The following AGBL1 variants were observed in gnomAD, a reference collection of about 807,000 sequenced individuals.
AGBL1 encodes the protein AGBL carboxypeptidase 1.
AGBL1 carries 130 observed loss-of-function variants against 118.9 expected under a neutral mutation model. The observed-to-expected ratio is 1.09, with a 90% CI of 0.95 to 1.26. AGBL1 has a LOEUF of 1.26. Ranked by LOEUF, AGBL1 falls within the 50% of genes most tolerant of loss-of-function variation. The probability of loss-of-function intolerance (pLI) is 0.00; values close to 1 mark genes in which losing one functional copy is unlikely to be tolerated. For synonymous variants in AGBL1, 555 were observed against 478.9 expected, an observed-to-expected ratio of 1.16 and a Z score of -2.08; for missense variants, 1,584 against 1,298.1, an observed-to-expected ratio of 1.22 and a Z score of -3.38.
rs56250725 is a variant in AGBL1 at position 86,811,507 on chromosome 15, C to A, written c.3159-95580C>A. 3.7e-3 allele frequency among the ~76,000 whole-genome samples: 562 copies of A among 152,214 alleles called. 6 individuals are homozygous for A. Among genetic ancestry groups the A allele is most frequent in the African/African-American group, 0.013 (530 of 41,558 alleles). ...TCTCTAAGATGGACAAATATATTCC[C>A]AATGTTCCAACAGGCTTTCTTTTCT... On this transcript the variant is annotated intron_variant, in intron 22 of 22. Coordinates refer to ENST00000614907, the MANE Select transcript of AGBL1 (RefSeq NM_001386094.1).
intron 21 of AGBL1, among the ~76,000 whole-genome samples, chr15:86,619,924 A>G (rs2084780833): frequency 6.6e-6 from 1 of 152,224 alleles, no homozygotes; most frequent in African/African-American, 2.4e-5. Flanking sequence ...CTACTCCTGG[A>G]TATTCCTATA....
chr15:86,789,303 G>T (rs952117722), intron 22 of AGBL1, among the ~76,000 whole-genome samples: 1 of 152,218 alleles, frequency 6.6e-6, no homozygotes, highest in South Asian at 2.1e-4. Context: ...CAGGGAAGTA[G>T]CATAATGCAG....
chr15:86,700,468 T>TACACACAC (rs67457435), intron 22 of AGBL1, among the ~76,000 whole-genome samples: 1,887 of 114,688 alleles, frequency 0.016, 22 homozygotes, highest in African/African-American at 0.028. Context: ...AGCAGACTAA[T>TACACACAC]ACACACACAC....
At position 86,264,634 on chromosome 15, in the gene AGBL1, C is replaced by A; in HGVS notation, c.1463C>A (p.Thr488Asn). The A allele has an allele frequency of 6.2e-7, 1 of 1,613,906 alleles. No homozygotes were observed. Among genetic ancestry groups the A allele is most frequent in the Non-Finnish European group, 8.5e-7 (1 of 1,179,840 alleles). The change falls in exon 11 of 23, where the codon ACT (threonine) becomes AAT (asparagine). Residue 488 changes from threonine to asparagine, a missense_variant. Coordinates refer to ENST00000614907, the MANE Select transcript of AGBL1 (RefSeq NM_001386094.1). Reference sequence around the variant, plus strand: ...GCCTCCTTTTCTAATTCCACTAGGACTAGAGAAGTTGTCAAAGTAATAGAT... The same window carrying A: ...GCCTCCTTTTCTAATTCCACTAGGAATAGAGAAGTTGTCAAAGTAATAGAT... ...MSASFSNSTR[T>N]REVVKVIDKL...
chr15:86,223,441 G>C (rs1188303355), intron 5 of AGBL1, among the ~76,000 whole-genome samples: 1 of 151,944 alleles, frequency 6.6e-6, no homozygotes, highest in East Asian at 1.9e-4. Flanking sequence ...CCCAAGCCAG[G>C]CCCCATATAC....
At chr15:86,319,029 A>G (rs183125056) in intron 17 of AGBL1, among the ~76,000 whole-genome samples, 4 of 152,312 alleles carry the variant, frequency 2.6e-5, no homozygotes, top group African/African-American at 9.6e-5. Flanking sequence ...CTTTACCACT[A>G]TAGTTTTTCT....
chr15:86,319,594 T>A (rs2080071569), intron 17 of AGBL1, among the ~76,000 whole-genome samples: 4 of 152,014 alleles, frequency 2.6e-5, no homozygotes, highest in Admixed American at 1.3e-4. Context: ...TTTATAGACG[T>A]GGGTCTGTTT....
rs879716480 is a variant in AGBL1, at chr15:86,925,140, GGAA to G, written c.3222-62844_3222-62842del. On this transcript the variant is annotated intron_variant, in intron 23 of 24. Coordinates refer to the AGBL1 transcript ENST00000441037. Reference sequence around the variant, plus strand: ...AAGAAGAAGAAGAGGAAGAGGAAGAGGAAGAGGAGGAGGAGGAGGAGGAGGAGG... The same window carrying G: ...AAGAAGAAGAAGAGGAAGAGGAAGAGGAGGAGGAGGAGGAGGAGGAGGAGG... Among the ~76,000 whole-genome samples, 395 of 39,806 alleles carry G rather than the reference GGAA, an allele frequency of 9.9e-3. 8 individuals are homozygous for G. The highest frequency in any genetic ancestry group is 0.02 in the Middle Eastern group (1 of 50). 26.1% of individuals were successfully genotyped at this position (39,806 alleles called of 152,430 possible).
chr15:86,221,904 C>T (rs914074073), intron 5 of AGBL1, among the ~76,000 whole-genome samples: 1 of 152,146 alleles, frequency 6.6e-6, no homozygotes, highest in Non-Finnish European at 1.5e-5. Context: ...ATTTCTATTT[C>T]ATTAAAAACT....
intron 17 of AGBL1, among the ~76,000 whole-genome samples, chr15:86,328,578 C>T (rs553402698): frequency 6.6e-6 from 1 of 152,202 alleles, no homozygotes; most frequent in African/African-American, 2.4e-5. Context: ...AACAGGAATC[C>T]ACCAGAATCA....
chr15:86,592,577 C>G (rs1043430359), intron 21 of AGBL1, among the ~76,000 whole-genome samples: 1 of 152,172 alleles, frequency 6.6e-6, no homozygotes, highest in Non-Finnish European at 1.5e-5. Context: ...GCCGTGTGTG[C>G]AGTGTGTTTA....
chr15:86,561,074 C>T (rs2083811902), intron 21 of AGBL1, among the ~76,000 whole-genome samples: 2 of 152,048 alleles, frequency 1.3e-5, no homozygotes, highest in Admixed American at 1.3e-4. Flanking sequence ...CATTTTTTCC[C>T]ATTCTGTAGG....
At chr15:86,397,678 G>A (rs963527747) in intron 18 of AGBL1, 132 bp downstream of exon 18, 2 of 827,578 alleles carry the variant, frequency 2.4e-6, no homozygotes. Flanking sequence ...TCTGTTTTCT[G>A]CTACAAATAA....
intron 22 of AGBL1, among the ~76,000 whole-genome samples, chr15:86,836,522 C>T (rs749974112): frequency 2.0e-5 from 3 of 152,160 alleles, no homozygotes; most frequent in Non-Finnish European, 4.4e-5. Flanking sequence ...CTCAGGTCCT[C>T]CAACAGTCTG....
Position 86,247,848 on chromosome 15 carries a change from A to G in AGBL1, c.704A>G (p.Gln235Arg). Reference protein sequence around the residue: ...RSGREAFLAAQGMEILFSTTQ... With the variant: ...RSGREAFLAARGMEILFSTTQ... The stretch of plus-strand genomic sequence containing the variant: ...GGCAGGGAGGCCTTCCTGGCAGCAC[A>G]GGGCATGGAGATCCTCTTCAGCACC... Residue 235 changes from glutamine to arginine, a missense_variant, in exon 7 of 23, where the codon CAG becomes CGG. Gln to Arg is a conservative substitution (Grantham distance 43). Coordinates refer to ENST00000614907, the MANE Select transcript of AGBL1 (RefSeq NM_001386094.1). 6.2e-7 allele frequency: 1 copy of G among 1,613,924 alleles called. No individual in the cohort carries two copies. Among genetic ancestry groups the G allele is most frequent in the Non-Finnish European group, 8.5e-7 (1 of 1,179,884 alleles).
chr15:86,899,009 A>G (rs1222786001), intron 22 of AGBL1, among the ~76,000 whole-genome samples: 18 of 152,184 alleles, frequency 1.2e-4, no homozygotes, highest in Admixed American at 9.2e-4. Flanking sequence ...AAGCAGAACT[A>G]CCATTCAACC....
intron 19 of AGBL1, among the ~76,000 whole-genome samples, chr15:86,544,386 A>T (rs1366375207): frequency 3.3e-5 from 5 of 152,182 alleles, no homozygotes; most frequent in African/African-American, 1.2e-4. Context: ...AGCTTGCATC[A>T]TATTTGCTCA....
intron 17 of AGBL1, among the ~76,000 whole-genome samples, chr15:86,340,422 C>T (rs1167973011): frequency 6.6e-6 from 1 of 151,990 alleles, no homozygotes; most frequent in Non-Finnish European, 1.5e-5. Context: ...GGCCTTAAAT[C>T]CATGACTTGT....
intron 5 of AGBL1, among the ~76,000 whole-genome samples, chr15:86,181,424 T>C (rs2077551461): frequency 6.6e-6 from 1 of 152,060 alleles, no homozygotes; most frequent in Non-Finnish European, 1.5e-5. Flanking sequence ...AAGTATATAC[T>C]GTATTATACC....
Sources: gnomAD v4.1 joint callset for allele counts (sites outside exome capture counted in the v4.1 genomes callset) on GRCh38, gnomAD v4.1.1 for gene constraint, MANE v1.5 for transcripts, NCBI Gene and HGNC (gene_info 2026-07-23, HGNC 2026-07-21) for gene names.